SH2D4A: variants seen among roughly 807,000 people sequenced by gnomAD.
SH2D4A encodes SH2 domain containing 4A.
Under a neutral mutation model 64.7 loss-of-function variants are expected in SH2D4A, and 70 were observed. The ratio of observed to expected loss-of-function variants is 1.08; its 90% CI spans 0.89 to 1.32. The LOEUF (loss-of-function observed/expected upper bound fraction) is 1.32, where lower values mean the gene tolerates loss of function less well. Ranked by LOEUF, SH2D4A falls within the 40% of genes most tolerant of loss-of-function variation. SH2D4A has a pLI of 0.00. For missense variants in SH2D4A, 706 were observed against 540.1 expected (o/e 1.31, Z -3.04); for synonymous variants, 268 against 200.7 (o/e 1.34, Z -2.83).
At chr8:19,320,648 A>G (rs572940156) in intron 2 of SH2D4A, among the ~76,000 whole-genome samples, 22 of 141,724 alleles carry the variant, frequency 1.6e-4, no homozygotes, top group African/African-American at 5.3e-4. Flanking sequence ...AAAAAAAAAG[A>G]CTTAAAGCAT....
At chr8:19,344,599 T>C (rs1431689972) in intron 4 of SH2D4A, among the ~76,000 whole-genome samples, 2 of 152,194 alleles carry the variant, frequency 1.3e-5, no homozygotes, top group African/African-American at 2.4e-5. Context: ...TGGTAATTAA[T>C]GTCTGAGGAG....
chr8:19,356,624 T>A lies in SH2D4A; in HGVS notation c.514-579T>A, dbSNP rs76264228. Among the ~76,000 whole-genome samples, 14 of 152,192 alleles carry A rather than the reference T, an allele frequency of 9.2e-5. No individual in the cohort carries two copies. The East Asian group carries it at 2.3e-3, about 25-fold the overall frequency. Reference sequence around the variant, plus strand: ...GACACCAGGGACTTTAGGCAATGAATCTGGGAACCCCAGTGGGGAGGTTGC... The same window carrying A: ...GACACCAGGGACTTTAGGCAATGAAACTGGGAACCCCAGTGGGGAGGTTGC... On this transcript the variant is annotated intron_variant, in intron 4 of 9. Transcript: ENST00000265807.
At position 19,336,868 on chromosome 8, in the gene SH2D4A, TA is replaced by T. The variant is rs1477191117; in HGVS notation, c.513+2019del. On this transcript the variant is annotated intron_variant, in intron 4 of 9. Transcript: ENST00000265807. The stretch of plus-strand genomic sequence containing the variant: ...GGGGACCAAGTGAGACCCTAAGTCT[TA>T]AAAAAAAGTATTAAGTATGTATGCT... 4.0e-5 allele frequency among the ~76,000 whole-genome samples: 6 copies of T among 151,884 alleles called. No homozygotes were observed. In the Middle Eastern group the frequency reaches 0.014, roughly 344 times the overall value.
At chr8:19,361,581 T>C (rs1563201427) in intron 6 of SH2D4A, among the ~76,000 whole-genome samples, 2 of 152,140 alleles carry the variant, frequency 1.3e-5, no homozygotes, top group African/African-American at 2.4e-5. Context: ...GAAAATAGGT[T>C]TTGGAGAGTG....
At chr8:19,324,487 A>G (rs1396685934) in intron 2 of SH2D4A, among the ~76,000 whole-genome samples, 4 of 152,132 alleles carry the variant, frequency 2.6e-5, no homozygotes, top group African/African-American at 4.8e-5. Context: ...AACTCACTGC[A>G]TGCAGTAGGG....
intron 2 of SH2D4A, among the ~76,000 whole-genome samples, chr8:19,323,782 G>A (rs1257144577): frequency 6.6e-6 from 1 of 152,144 alleles, no homozygotes; most frequent in Non-Finnish European, 1.5e-5. Context: ...CATTCAATAC[G>A]CTTAACTGGG....
At chr8:19,359,456 C>T (rs1029403234) in intron 5 of SH2D4A, among the ~76,000 whole-genome samples, 1 of 152,122 alleles carries the variant, frequency 6.6e-6, no homozygotes, top group African/African-American at 2.4e-5. Context: ...TATATGTTTC[C>T]TAACCGTTTA....
intron 8 of SH2D4A, among the ~76,000 whole-genome samples, chr8:19,392,739 T>TG (rs946790732): frequency 2.6e-5 from 4 of 152,184 alleles, no homozygotes; most frequent in African/African-American, 9.6e-5. Flanking sequence ...ATTCCTTTTT[T>TG]TTTTGTTTTG....
Position 19,343,849 on chromosome 8 carries a change from C to T in SH2D4A, c.513+8992C>T, listed in dbSNP as rs562929377. Among the ~76,000 whole-genome samples, 127 of 152,272 alleles carry T rather than the reference C, an allele frequency of 8.3e-4. 3 individuals are homozygous for T. In the South Asian group the frequency reaches 0.025, roughly 30 times the overall value. On this transcript the variant is annotated intron_variant, in intron 4 of 9. Coordinates refer to ENST00000265807, the MANE Select transcript of SH2D4A (RefSeq NM_022071.4). ...TGCTCTGTAGGGCAGGATTTAATCACGTTCTAGGAGGCCAGTGGCCTGTTC... is the reference window on the plus strand; with the variant it reads ...TGCTCTGTAGGGCAGGATTTAATCATGTTCTAGGAGGCCAGTGGCCTGTTC...
chr8:19,393,763 G>A (rs564920007), intron 9 of SH2D4A, among the ~76,000 whole-genome samples: 6 of 152,176 alleles, frequency 3.9e-5, no homozygotes, highest in African/African-American at 1.4e-4. Context: ...ACCCCACTGG[G>A]GCAGAGAATA....
chr8:19,339,487 T>C (rs1376158736), intron 4 of SH2D4A, among the ~76,000 whole-genome samples: 1 of 139,402 alleles, frequency 7.2e-6, no homozygotes, highest in African/African-American at 2.6e-5. Context: ...CTCTTCCCTA[T>C]AAACTTTCTT....
At chr8:19,314,971 T>C (rs369633198) in intron 1 of SH2D4A, among the ~76,000 whole-genome samples, 19 of 152,326 alleles carry the variant, frequency 1.2e-4, no homozygotes, top group Non-Finnish European at 2.6e-4. Flanking sequence ...AGAATTAGAA[T>C]TCAAACTGTA....
At chr8:19,329,767 C>T (rs1362300237) in intron 2 of SH2D4A, among the ~76,000 whole-genome samples, 3 of 152,194 alleles carry the variant, frequency 2.0e-5, no homozygotes, top group African/African-American at 7.2e-5. Context: ...CTTTCTTACT[C>T]TCCCTTTGCC....
Position 19,372,264 on chromosome 8 carries a change from G to A in SH2D4A, c.918-1266G>A, listed in dbSNP as rs549129191. 3.9e-5 allele frequency among the ~76,000 whole-genome samples: 6 copies of A among 152,222 alleles called. No individual in the cohort carries two copies. In the East Asian group the frequency reaches 7.7e-4, roughly 20 times the overall value. On this transcript the variant is annotated intron_variant, in intron 7 of 9. Transcript: ENST00000265807. ...TGCAGCCATCTCAGCACTAGAGGGC[G>A]CTCCAAGTCCAGGCTTGCTGCAGCT...
At chr8:19,392,222 A>G (rs949748770) in intron 8 of SH2D4A, among the ~76,000 whole-genome samples, 1 of 152,198 alleles carries the variant, frequency 6.6e-6, no homozygotes, top group African/African-American at 2.4e-5. Flanking sequence ...GTGTATATAA[A>G]GACACACATA....
intron 7 of SH2D4A, among the ~76,000 whole-genome samples, chr8:19,369,730 T>C (rs948469023): frequency 2.0e-5 from 3 of 152,076 alleles, no homozygotes; most frequent in Non-Finnish European, 4.4e-5. Flanking sequence ...TTTTTCTTTG[T>C]GTAGCTAAAC....
chr8:19,318,473 A>T (rs1200402753), intron 1 of SH2D4A, among the ~76,000 whole-genome samples: 1 of 152,238 alleles, frequency 6.6e-6, no homozygotes, highest in Non-Finnish European at 1.5e-5. Flanking sequence ...TAGGATTTCC[A>T]ACCACAGGAG....
intron 1 of SH2D4A, among the ~76,000 whole-genome samples, chr8:19,315,699 C>T (rs1385925820): frequency 6.6e-6 from 1 of 152,170 alleles, no homozygotes; most frequent in Non-Finnish European, 1.5e-5. Context: ...TTTGTTGGAT[C>T]TTGAATAACC....
In SH2D4A at chr8:19,352,389, A is replaced by G. The variant is rs942763169; in HGVS notation, c.514-4814A>G. On this transcript the variant is annotated intron_variant, in intron 4 of 9. Coordinates refer to ENST00000265807, the MANE Select transcript of SH2D4A (RefSeq NM_022071.4). Reference sequence around the variant, plus strand: ...GGATTTTCACTGATTACAGAGGGTTATTCTGACTTGATGTCTGCAGGAAGT... The same window carrying G: ...GGATTTTCACTGATTACAGAGGGTTGTTCTGACTTGATGTCTGCAGGAAGT... Among the ~76,000 whole-genome samples, 2 of 152,230 alleles carry G rather than the reference A, an allele frequency of 1.3e-5. 1 individual carries two copies. Among genetic ancestry groups the G allele is most frequent in the South Asian group, 4.1e-4 (2 of 4,828 alleles).
Sources: gnomAD v4.1 joint callset for allele counts (sites outside exome capture counted in the v4.1 genomes callset) on GRCh38, gnomAD v4.1.1 for gene constraint, MANE v1.5 for transcripts, NCBI Gene and HGNC (gene_info 2026-07-23, HGNC 2026-07-21) for gene names.